The following ZNF253 variants were observed in gnomAD, a reference collection of about 807,000 sequenced individuals.
ZNF253 encodes DNA-binding protein.
In ZNF253, 8 loss-of-function variants were observed where a neutral mutation model predicts 11.9. The observed-to-expected ratio is 0.67, with a 90% CI of 0.40 to 1.22. ZNF253 has a LOEUF of 1.22. Ranked by LOEUF, ZNF253 falls within the 50% of genes most tolerant of loss-of-function variation. ZNF253 has a pLI of 0.01. For synonymous variants in ZNF253, 194 were observed against 194.9 expected (o/e 1.00, Z 0.04); for missense variants, 485 against 586.9 (o/e 0.83, Z 1.79).
intron 3 of ZNF253, among the ~76,000 whole-genome samples, chr19:19,881,237 C>A (rs1269960281): frequency 6.6e-6 from 1 of 151,142 alleles, no homozygotes; most frequent in Admixed American, 6.6e-5. Context: ...TAATTTTTTT[C>A]TCAGAAATTT....
chr19:19,883,711 C>T (rs1277910686), intron 3 of ZNF253, among the ~76,000 whole-genome samples: 9 of 152,146 alleles, frequency 5.9e-5, no homozygotes, highest in Admixed American at 5.9e-4. Flanking sequence ...CTCTCTCCAG[C>T]CCTGACAGAC....
intron 1 of ZNF253, among the ~76,000 whole-genome samples, chr19:19,872,898 A>G (rs1330780528): frequency 6.6e-6 from 1 of 152,090 alleles, no homozygotes; most frequent in African/African-American, 2.4e-5. Flanking sequence ...CACTTGCTGT[A>G]ACACCAAAGG....
chr19:19,874,719 G>A (rs1043032729), intron 1 of ZNF253, among the ~76,000 whole-genome samples: 2 of 152,016 alleles, frequency 1.3e-5, no homozygotes, highest in Admixed American at 1.3e-4. Flanking sequence ...AGACCATCCT[G>A]GCTAACACGG....
intron 1 of ZNF253, among the ~76,000 whole-genome samples, chr19:19,872,827 C>A (rs1199809845): frequency 6.6e-6 from 1 of 151,658 alleles, no homozygotes; most frequent in Non-Finnish European, 1.5e-5. Context: ...TTCATGTAGA[C>A]TTACCATTTA....
rs546409294 is a variant in ZNF253, at chr19:19,872,966, A to G, written c.4-5515A>G. Among the ~76,000 whole-genome samples the G allele has an allele frequency of 3.8e-4, 58 of 152,252 alleles. 1 individual carries two copies. In the South Asian group the frequency reaches 0.012, roughly 32 times the overall value. ...GCAGATAAGTTCTGGCCTCTACCAC[A>G]GATTTACAAAAAAGGGCCGGACTTT... On this transcript the variant is annotated intron_variant, in intron 1 of 3. Coordinates refer to ENST00000589717, the MANE Select transcript of ZNF253 (RefSeq NM_021047.3).
intron 1 of ZNF253, 43 bp from the exon 2 acceptor site, chr19:19,878,438 T>A: frequency 6.2e-7 from 1 of 1,612,872 alleles, no homozygotes; most frequent in Non-Finnish European, 8.5e-7. Context: ...TAAAAATTCC[T>A]CTCATGCCAT....
At chr19:19,868,767 G>A (rs772212713) in intron 1 of ZNF253, among the ~76,000 whole-genome samples, 3 of 152,036 alleles carry the variant, frequency 2.0e-5, no homozygotes, top group Admixed American at 6.6e-5. Context: ...AACCTTCATG[G>A]CACGTGTATA....
intron 1 of ZNF253, among the ~76,000 whole-genome samples, chr19:19,867,288 T>C (rs1255696895): frequency 6.6e-6 from 1 of 152,234 alleles, no homozygotes; most frequent in Non-Finnish European, 1.5e-5. Context: ...GCAAAGGACA[T>C]GATCATTTAT....
chr19:19,866,021 C>T, intron 1 of ZNF253, 22 bp downstream of exon 1: 1 of 1,614,136 alleles, frequency 6.2e-7, no homozygotes, highest in African/African-American at 1.3e-5. Context: ...GTCCAACGTC[C>T]CGAGAGAGGG....
intron 1 of ZNF253, among the ~76,000 whole-genome samples, chr19:19,877,967 T>G (rs2063162320): frequency 6.6e-6 from 1 of 152,168 alleles, no homozygotes; most frequent in South Asian, 2.1e-4. Context: ...GCTCTTCCAT[T>G]TACTCAATGT....
At chr19:19,890,498 T>TTGTGTGTGTGTGTGTG (rs35114806) in intron 3 of ZNF253, among the ~76,000 whole-genome samples, 21 of 141,044 alleles carry the variant, frequency 1.5e-4, no homozygotes, top group African/African-American at 5.0e-4. Flanking sequence ...CAATTTATAT[T>TTGTGTGTGTGTGTGTG]TGTGTGTGTG....
In ZNF253 at chr19:19,865,891, C is replaced by G; in HGVS notation, c.-106C>G. The G allele has an allele frequency of 7.1e-7, 1 of 1,413,794 alleles. No homozygotes were observed. Among genetic ancestry groups the G allele is most frequent in the Non-Finnish European group, 1.0e-6 (1 of 997,320 alleles). 87.6% of individuals were successfully genotyped at this position (1,413,794 alleles called of 1,614,324 possible). ...GCAGCGGGAGCTCCAGGTTTATCCT[C>G]AGTGTTCTGTGTCCTGTGCTTATAG... On this transcript the variant is annotated 5_prime_UTR_variant, in exon 1 of 4. Coordinates refer to ENST00000589717, the MANE Select transcript of ZNF253 (RefSeq NM_021047.3).
Position 19,866,095 on chromosome 19 carries a change from C to T in ZNF253, c.3+96C>T, listed in dbSNP as rs1010589121. ...GACTCTGCTTCCTCACAGTCAGCTC[C>T]ACAATCTGCCGCCGGAGTTCTCCCT... On this transcript the variant is annotated intron_variant, in intron 1 of 3. Coordinates refer to ENST00000589717, the MANE Select transcript of ZNF253 (RefSeq NM_021047.3). 7 of 1,527,186 alleles carry T rather than the reference C, an allele frequency of 4.6e-6. No homozygotes were observed. The African/African-American group carries it at 9.6e-5, about 21-fold the overall frequency. The allele number at this position is 1,527,186 out of a possible 1,614,324, so 94.6% of individuals were successfully genotyped here.
intron 1 of ZNF253, among the ~76,000 whole-genome samples, chr19:19,868,372 T>C (rs1282791550): frequency 6.6e-6 from 1 of 152,112 alleles, no homozygotes; most frequent in Non-Finnish European, 1.5e-5. Context: ...ATTTTGTATA[T>C]TGTGTAATGA....
intron 3 of ZNF253, among the ~76,000 whole-genome samples, chr19:19,881,648 C>CAA (rs11301803): frequency 9.4e-5 from 9 of 95,464 alleles, no homozygotes; most frequent in Admixed American, 3.3e-4. Context: ...GACTCCTACT[C>CAA]AAAAAAAAAA....
chr19:19,882,218 A>C (rs979030439), intron 3 of ZNF253, among the ~76,000 whole-genome samples: 1 of 152,026 alleles, frequency 6.6e-6, no homozygotes, highest in African/African-American at 2.4e-5. Context: ...AAGAAGAAGA[A>C]GCATTGACAA....
chr19:19,892,009 A>G lies in ZNF253; in HGVS notation c.762A>G (p.Lys254=), dbSNP rs2063232916. The G allele has an allele frequency of 1.2e-6, 2 of 1,613,690 alleles. No individual in the cohort carries two copies. The highest frequency in any genetic ancestry group is 1.1e-5 in the South Asian group (1 of 91,078). The part of the protein sequence containing the change: ...TTHKKIHTGE[K]PYKCEECGKA... The stretch of plus-strand genomic sequence containing the variant: ...ATAAGAAAATTCATACTGGAGAGAA[A>G]CCCTACAAATGTGAAGAATGTGGCA... Residue 254 remains lysine, a synonymous_variant, in exon 4 of 4, where the codon AAA becomes AAG. Coordinates refer to ENST00000589717, the MANE Select transcript of ZNF253 (RefSeq NM_021047.3).
In ZNF253 at chr19:19,870,321, G is replaced by A. The variant is rs561226716; in HGVS notation, c.3+4322G>A. 3.3e-5 allele frequency among the ~76,000 whole-genome samples: 5 copies of A among 151,378 alleles called. 1 individual carries two copies. The highest frequency in any genetic ancestry group is 1.2e-4 in the African/African-American group (5 of 41,232). Reference sequence around the variant, plus strand: ...GCAGGAGAATCGCTTGTTCCTGGGAGGCAGAAGTTGCAGTGAGCTGAGATT... The same window carrying A: ...GCAGGAGAATCGCTTGTTCCTGGGAAGCAGAAGTTGCAGTGAGCTGAGATT... On this transcript the variant is annotated intron_variant, in intron 1 of 3. Transcript: ENST00000589717.
intron 1 of ZNF253, among the ~76,000 whole-genome samples, chr19:19,876,344 C>T (rs1476712776): frequency 6.6e-6 from 1 of 151,358 alleles, no homozygotes; most frequent in African/African-American, 2.4e-5. Flanking sequence ...AGTTAAGTTC[C>T]ACCTTTGCAC....
Sources: gnomAD v4.1 joint callset for allele counts (sites outside exome capture counted in the v4.1 genomes callset) on GRCh38, gnomAD v4.1.1 for gene constraint, MANE v1.5 for transcripts, NCBI Gene and HGNC (gene_info 2026-07-23, HGNC 2026-07-21) for gene names.